The following RFX3 variants were observed in gnomAD, a reference collection of about 807,000 sequenced individuals.
RFX3 encodes regulatory factor X3.
RFX3 carries 14 observed loss-of-function variants against 98.6 expected under a neutral mutation model. The ratio of observed to expected loss-of-function variants is 0.14; its 90% CI spans 0.09 to 0.22. The LOEUF (loss-of-function observed/expected upper bound fraction) is 0.22. Among genes scored for constraint, RFX3 ranks in the 10% least tolerant of loss-of-function variants. The pLI is 1.00. For missense variants in RFX3, 639 were observed against 926.9 expected (o/e 0.69, Z 4.03); for synonymous variants, 383 against 328.4 (o/e 1.17, Z -1.80).
intron 4 of RFX3, among the ~76,000 whole-genome samples, chr9:3,318,238 T>C (rs945062184): frequency 3.3e-5 from 5 of 152,130 alleles, no homozygotes; most frequent in South Asian, 2.1e-4. Context: ...TGGATGAAGC[T>C]AGAAACCATC....
chr9:3,244,549 C>A (rs1477575871), intron 15 of RFX3, among the ~76,000 whole-genome samples: 2 of 152,122 alleles, frequency 1.3e-5, no homozygotes, highest in Non-Finnish European at 2.9e-5. Flanking sequence ...GGAAAACTTC[C>A]CCTTGGCTGT....
intron 15 of RFX3, among the ~76,000 whole-genome samples, chr9:3,242,091 C>A (rs761608425): frequency 1.3e-5 from 2 of 152,056 alleles, no homozygotes; most frequent in East Asian, 3.9e-4. Context: ...TAAGCCCATC[C>A]CATTTGACTA....
At chr9:3,375,856 A>G (rs989459683) in intron 2 of RFX3, among the ~76,000 whole-genome samples, 8 of 152,124 alleles carry the variant, frequency 5.3e-5, no homozygotes, top group Non-Finnish European at 1.2e-4. Flanking sequence ...GTTACTCAGG[A>G]GGCTGAGGCA....
chr9:3,472,264 G>A (rs1848843840), intron 1 of RFX3, among the ~76,000 whole-genome samples: 1 of 151,964 alleles, frequency 6.6e-6, no homozygotes, highest in African/African-American at 2.4e-5. Flanking sequence ...TTAAAAGCTT[G>A]GGCTTTAGTG....
intron 3 of RFX3, among the ~76,000 whole-genome samples, chr9:3,342,670 T>A (rs903680229): frequency 2.8e-4 from 42 of 151,814 alleles, no homozygotes; most frequent in Non-Finnish European, 4.0e-4. Flanking sequence ...CATTTTATTT[T>A]AAAAAAAAAC....
At chr9:3,475,592 C>T (rs1010992265) in intron 1 of RFX3, among the ~76,000 whole-genome samples, 2 of 152,198 alleles carry the variant, frequency 1.3e-5, no homozygotes, top group Non-Finnish European at 1.5e-5. Context: ...CAATAGCATA[C>T]GCTATTATTT....
chr9:3,338,792 T>C (rs879742761), intron 3 of RFX3, among the ~76,000 whole-genome samples: 1 of 152,100 alleles, frequency 6.6e-6, no homozygotes, highest in Non-Finnish European at 1.5e-5. Context: ...GAAAAAGTGT[T>C]TTAAAATTTA....
At chr9:3,504,944 A>ATATCTT (rs1564185928) in intron 1 of RFX3, among the ~76,000 whole-genome samples, 26 of 59,306 alleles carry the variant, frequency 4.4e-4, no homozygotes, top group Non-Finnish European at 4.2e-4. Flanking sequence ...TAATATATAT[A>ATATCTT]ATATAATATA....
intron 3 of RFX3, among the ~76,000 whole-genome samples, chr9:3,343,348 C>T (rs1325372134): frequency 1.3e-5 from 2 of 152,154 alleles, no homozygotes; most frequent in South Asian, 2.1e-4. Flanking sequence ...TTTATTATCA[C>T]ACAGAAGTGG....
At chr9:3,516,313 G>T (rs746950825) in intron 1 of RFX3, among the ~76,000 whole-genome samples, 4 of 152,152 alleles carry the variant, frequency 2.6e-5, no homozygotes, top group East Asian at 3.8e-4. Flanking sequence ...CTCCCAAAGT[G>T]CTGGGATTAC....
chr9:3,288,357 T>C, intron 6 of RFX3, 107 bp from the exon 7 acceptor site: 2 of 857,808 alleles, frequency 2.3e-6, no homozygotes, highest in Non-Finnish European at 3.8e-6. Flanking sequence ...GTAAAAACAG[T>C]AAGTTAATGT....
chr9:3,525,396 A>C (rs1450570211), intron 1 of RFX3, among the ~76,000 whole-genome samples: 1 of 152,220 alleles, frequency 6.6e-6, no homozygotes, highest in Non-Finnish European at 1.5e-5. Context: ...ACCAGACCTA[A>C]GGGAAAGATC....
rs773476831 is a variant in RFX3, at chr9:3,445,838, T to G, written c.-8-50242A>C. On this transcript the variant is annotated intron_variant, in intron 1 of 16. Coordinates refer to ENST00000617270, the MANE Select transcript of RFX3 (RefSeq NM_001282116.2). Reference sequence around the variant, plus strand: ...CTTTAAAAATGCAATGCATTTGTACTTGCTGTTCTCACTTCTCTGCATGCC... The same window carrying G: ...CTTTAAAAATGCAATGCATTTGTACGTGCTGTTCTCACTTCTCTGCATGCC... 2.0e-5 allele frequency among the ~76,000 whole-genome samples: 3 copies of G among 152,162 alleles called. 1 individual carries two copies. Among genetic ancestry groups the G allele is most frequent in the Admixed American group, 1.3e-4 (2 of 15,266 alleles).
intron 7 of RFX3, among the ~76,000 whole-genome samples, chr9:3,282,060 T>C (rs796932720): frequency 7.2e-5 from 11 of 151,910 alleles, no homozygotes; most frequent in African/African-American, 2.6e-4. Context: ...TCATTTTATT[T>C]GCATGAATAA....
chr9:3,411,260 C>T (rs149321123), intron 1 of RFX3, among the ~76,000 whole-genome samples: 1 of 152,270 alleles, frequency 6.6e-6, no homozygotes, highest in East Asian at 1.9e-4. Flanking sequence ...ATTAAGACAG[C>T]AATGGAATTT....
chr9:3,463,710 C>T (rs1314645714), intron 1 of RFX3, among the ~76,000 whole-genome samples: 2 of 152,030 alleles, frequency 1.3e-5, no homozygotes, highest in Non-Finnish European at 2.9e-5. Context: ...GGGGCTCATG[C>T]TTATAATCCC....
intron 1 of RFX3, among the ~76,000 whole-genome samples, chr9:3,405,213 C>G (rs560235884): frequency 6.6e-6 from 1 of 151,890 alleles, no homozygotes; most frequent in Non-Finnish European, 1.5e-5. Flanking sequence ...AAAAAAAAAC[C>G]AAAACAAACA....
At chr9:3,395,303 C>G (rs1262255559) in intron 2 of RFX3, among the ~76,000 whole-genome samples, 169 bp downstream of exon 2, 1 of 152,198 alleles carries the variant, frequency 6.6e-6, no homozygotes, top group Non-Finnish European at 1.5e-5. Flanking sequence ...CAGAAAGAAC[C>G]TGGCACATCC....
intron 2 of RFX3, among the ~76,000 whole-genome samples, chr9:3,352,152 T>A (rs538825485): frequency 6.6e-6 from 1 of 152,114 alleles, no homozygotes; most frequent in African/African-American, 2.4e-5. Context: ...GTTTAAAAAG[T>A]ATGTTGTGGA....
Sources: allele counts gnomAD v4.1 joint callset (sites outside exome capture counted in the v4.1 genomes callset), GRCh38; gene constraint gnomAD v4.1.1; transcripts MANE v1.5; gene names NCBI Gene and HGNC (gene_info 2026-07-23, HGNC 2026-07-21).